UNC5C: variants seen among roughly 807,000 people sequenced by gnomAD.
UNC5C encodes the protein netrin receptor UNC5C.
In UNC5C, 47 loss-of-function variants were observed where a neutral mutation model predicts 99.8. That is an observed-to-expected ratio of 0.47 (90% confidence interval 0.37 to 0.60). UNC5C has a LOEUF of 0.60. UNC5C is among the 20% of genes least tolerant of loss of function. The pLI, the probability that UNC5C is intolerant of heterozygous loss-of-function variation, is 0.00. For synonymous variants in UNC5C, 487 were observed against 452.2 expected (o/e 1.08, Z -0.98); for missense variants, 1,062 against 1,165.9 (o/e 0.91, Z 1.30).
intron 1 of UNC5C, among the ~76,000 whole-genome samples, chr4:95,383,794 T>A (rs1343759854): frequency 6.6e-6 from 1 of 152,218 alleles, no homozygotes; most frequent in Non-Finnish European, 1.5e-5. Flanking sequence ...AATTGAAGCA[T>A]GACAATCAGC....
At chr4:95,541,099 G>T (rs1034264519) in intron 1 of UNC5C, among the ~76,000 whole-genome samples, 62 of 152,082 alleles carry the variant, frequency 4.1e-4, no homozygotes, top group African/African-American at 1.5e-3. Context: ...GTCCCAAATT[G>T]CTCCTTTTAC....
intron 1 of UNC5C, among the ~76,000 whole-genome samples, chr4:95,392,278 G>C (rs1745384369): frequency 6.6e-6 from 1 of 151,590 alleles, no homozygotes; most frequent in Admixed American, 6.6e-5. Flanking sequence ...TCTTCTGTGA[G>C]TCAATAGAAA....
intron 12 of UNC5C, among the ~76,000 whole-genome samples, chr4:95,197,678 G>A (rs567801389): frequency 6.6e-6 from 1 of 152,266 alleles, no homozygotes; most frequent in South Asian, 2.1e-4. Flanking sequence ...AATCGGGTAA[G>A]TCAAGAAGAG....
At chr4:95,273,156 A>G (rs1740720860) in intron 4 of UNC5C, among the ~76,000 whole-genome samples, 1 of 152,234 alleles carries the variant, frequency 6.6e-6, no homozygotes, top group South Asian at 2.1e-4. Context: ...GCAAATGTTG[A>G]TAAATAAGAT....
chr4:95,355,780 T>C (rs980624954), intron 1 of UNC5C, among the ~76,000 whole-genome samples: 1 of 152,140 alleles, frequency 6.6e-6, no homozygotes, highest in African/African-American at 2.4e-5. Flanking sequence ...AATAAATGGA[T>C]GAATACATAG....
At chr4:95,252,363 T>G (rs1179557282) in intron 4 of UNC5C, among the ~76,000 whole-genome samples, 1 of 152,202 alleles carries the variant, frequency 6.6e-6, no homozygotes, top group African/African-American at 2.4e-5. Flanking sequence ...TGTTCTTGCA[T>G]CCCTTCTACA....
At chr4:95,266,540 C>T (rs1483380727) in intron 4 of UNC5C, among the ~76,000 whole-genome samples, 1 of 152,148 alleles carries the variant, frequency 6.6e-6, no homozygotes, top group African/African-American at 2.4e-5. Flanking sequence ...ATTTAAGGAG[C>T]AACTTTTTAT....
chr4:95,308,513 G>A (rs1178000428), intron 2 of UNC5C, among the ~76,000 whole-genome samples: 2 of 151,968 alleles, frequency 1.3e-5, no homozygotes, highest in Non-Finnish European at 2.9e-5. Context: ...AGCACTTTGG[G>A]AGGCTGAGGC....
intron 1 of UNC5C, among the ~76,000 whole-genome samples, chr4:95,537,113 T>C (rs1722800630): frequency 6.6e-6 from 1 of 152,218 alleles, no homozygotes; most frequent in Non-Finnish European, 1.5e-5. Flanking sequence ...TGATGGGTTA[T>C]GTGAGAGTTT....
At chr4:95,303,163 T>C (rs1282192566) in intron 2 of UNC5C, among the ~76,000 whole-genome samples, 1 of 152,110 alleles carries the variant, frequency 6.6e-6, no homozygotes, top group Non-Finnish European at 1.5e-5. Flanking sequence ...CTAGTTTACA[T>C]AGTTGTGCAC....
intron 1 of UNC5C, among the ~76,000 whole-genome samples, chr4:95,460,876 T>G (rs265033): frequency 0.56 from 85,467 of 151,968 alleles, 24,565 homozygotes; most frequent in East Asian, 0.77. Flanking sequence ...TACACAGAGT[T>G]TGTATATCAG....
At chr4:95,488,965 T>C (rs150843436) in intron 1 of UNC5C, among the ~76,000 whole-genome samples, 13 of 151,682 alleles carry the variant, frequency 8.6e-5, no homozygotes, top group African/African-American at 2.9e-4. Flanking sequence ...GGCATGTATT[T>C]ATTCTCTGCT....
chr4:95,300,136 A>G (rs754892396), intron 3 of UNC5C, among the ~76,000 whole-genome samples: 1 of 152,224 alleles, frequency 6.6e-6, no homozygotes, highest in Non-Finnish European at 1.5e-5. Context: ...AGAAAAGAAA[A>G]TATATGGATT....
Position 95,402,716 on chromosome 4 carries a change from T to C in UNC5C, c.125-67085A>G, listed in dbSNP as rs147633902. The stretch of plus-strand genomic sequence containing the variant: ...AACTATGTCTCTTGATTGCAGCCTA[T>C]ACTTTCCTCCTCTACACTTTAGCCC... On this transcript the variant is annotated intron_variant, in intron 1 of 15. Transcript: ENST00000453304. 6.0e-4 allele frequency among the ~76,000 whole-genome samples: 91 copies of C among 152,312 alleles called. No homozygotes were observed. The East Asian group carries it at 0.016, about 27-fold the overall frequency.
At chr4:95,302,404 T>C (rs1378305345) in intron 2 of UNC5C, among the ~76,000 whole-genome samples, 2 of 152,210 alleles carry the variant, frequency 1.3e-5, no homozygotes, top group Non-Finnish European at 2.9e-5. Flanking sequence ...GCTCAAATAA[T>C]TGGAATTTAT....
rs1389195192 is a variant in UNC5C, at chr4:95,202,807, A to C, written c.2060T>G (p.Phe687Cys). 1 of 1,614,132 alleles carries C rather than the reference A, an allele frequency of 6.2e-7. No homozygotes were observed. The highest frequency in any genetic ancestry group is 8.5e-7 in the Non-Finnish European group (1 of 1,180,054). ...CAGCGAGGAGCAGCACAGGGGCCCA[A>C]AGATGGCCAGCTTGAGGCGCTTCGC... ...AAAKRLKLAI[F>C]GPLCCSSLEY... is the part of the protein sequence containing the mutation. Residue 687 changes from phenylalanine (F) to cysteine (C), a missense_variant, in exon 12 of 16, where the codon TTT (phenylalanine) becomes TGT (cysteine). Transcript: ENST00000453304.
intron 1 of UNC5C, among the ~76,000 whole-genome samples, chr4:95,507,291 G>A (rs1275497711): frequency 2.0e-5 from 3 of 151,854 alleles, no homozygotes. Flanking sequence ...GAGCTAATGA[G>A]GCACCATTAG....
At chr4:95,258,505 G>A (rs1324579640) in intron 4 of UNC5C, among the ~76,000 whole-genome samples, 2 of 152,132 alleles carry the variant, frequency 1.3e-5, no homozygotes, top group Admixed American at 1.3e-4. Flanking sequence ...ATGACTTGTT[G>A]TCATGGTTGC....
chr4:95,453,049 T>C (rs1216624413), intron 1 of UNC5C, among the ~76,000 whole-genome samples: 1 of 152,126 alleles, frequency 6.6e-6, no homozygotes, highest in Non-Finnish European at 1.5e-5. Context: ...ACGGAAAATA[T>C]ACAGGAAGGA....
Sources: gnomAD v4.1 joint callset for allele counts (sites outside exome capture counted in the v4.1 genomes callset) on GRCh38, gnomAD v4.1.1 for gene constraint, MANE v1.5 for transcripts, NCBI Gene and HGNC (gene_info 2026-07-23, HGNC 2026-07-21) for gene names.